Variants in KDM6A observed in about 807,000 individuals in gnomAD.
The protein encoded by KDM6A is lysine-specific demethylase 6A.
Under a neutral mutation model 117.6 loss-of-function variants are expected in KDM6A, and 11 were observed. The observed-to-expected ratio is 0.09, with a 90% CI of 0.06 to 0.15. The LOEUF (loss-of-function observed/expected upper bound fraction) is 0.15. Among genes scored for constraint, KDM6A ranks in the 10% least tolerant of loss-of-function variants. KDM6A has a pLI of 1.00. For synonymous variants in KDM6A, 384 were observed against 396.1 expected (o/e 0.97, Z 0.36); for missense variants, 799 against 1,077.3 (o/e 0.74, Z 3.62).
At chrX:44,986,992 G>T (rs1469140214) in intron 4 of KDM6A, among the ~76,000 whole-genome samples, 17 of 110,936 alleles carry the variant, frequency 1.5e-4, no homozygotes, top group South Asian at 3.8e-4. Flanking sequence ...TGTTGATCTG[G>T]CTAATATTGA....
chrX:45,025,815 G>T (rs1223307272), intron 6 of KDM6A, among the ~76,000 whole-genome samples: 2 of 112,199 alleles, frequency 1.8e-5, no homozygotes, highest in Non-Finnish European at 3.8e-5. Flanking sequence ...ACCAAAAAGG[G>T]TGCCTTTTTT....
At chrX:45,099,602 TTAAG>T (rs1397013764) in intron 27 of KDM6A, among the ~76,000 whole-genome samples, 4 of 112,036 alleles carry the variant, frequency 3.6e-5, no homozygotes, top group Non-Finnish European at 7.5e-5. Flanking sequence ...CCTGAGTAAA[TTAAG>T]TTTTACTTTA....
intron 2 of KDM6A, among the ~76,000 whole-genome samples, chrX:44,958,466 G>C (rs1158362301): frequency 9.1e-6 from 1 of 110,407 alleles, no homozygotes; most frequent in African/African-American, 3.3e-5. Context: ...ACAGGCATGA[G>C]CCACCACGCC....
At chrX:45,036,004 A>G (rs914574052) in intron 7 of KDM6A, among the ~76,000 whole-genome samples, 3 of 112,311 alleles carry the variant, frequency 2.7e-5, no homozygotes, top group African/African-American at 9.7e-5. Context: ...CGTCCGAAAA[A>G]TGAAATTTTT....
chrX:45,072,109 TGTTA>T (rs2044876734), intron 18 of KDM6A, among the ~76,000 whole-genome samples: 1 of 112,562 alleles, frequency 8.9e-6, no homozygotes, highest in Admixed American at 9.4e-5. Flanking sequence ...TTTCTATTTC[TGTTA>T]GTTTCTATTT....
intron 2 of KDM6A, among the ~76,000 whole-genome samples, chrX:44,918,903 C>T (rs371866463): frequency 2.7e-5 from 3 of 111,706 alleles, no homozygotes; most frequent in African/African-American, 9.8e-5. Context: ...TACAAGTTTA[C>T]AGTTTGCATG....
At chrX:45,022,883 A>G (rs1458814830) in intron 6 of KDM6A, among the ~76,000 whole-genome samples, 1 of 112,095 alleles carries the variant, frequency 8.9e-6, no homozygotes, top group Admixed American at 9.5e-5. Flanking sequence ...GGTTTCATCA[A>G]GGATTCATTT....
intron 27 of KDM6A, among the ~76,000 whole-genome samples, chrX:45,098,648 T>G (rs769131744): frequency 8.9e-6 from 1 of 112,576 alleles, no homozygotes; most frequent in Non-Finnish European, 1.9e-5. Flanking sequence ...ATGGTTCTAT[T>G]GCTTAGAAAA....
intron 27 of KDM6A, among the ~76,000 whole-genome samples, chrX:45,099,265 A>G (rs1020168804): frequency 9.3e-6 from 1 of 107,991 alleles, no homozygotes; most frequent in Non-Finnish European, 1.9e-5. Context: ...CACAGTCCAC[A>G]TTTAGATTTC....
intron 4 of KDM6A, among the ~76,000 whole-genome samples, chrX:45,002,286 C>T (rs1216736140): frequency 1.8e-5 from 2 of 110,045 alleles, no homozygotes; most frequent in Non-Finnish European, 3.8e-5. Context: ...CATATTTATC[C>T]AATTTTAATG....
intron 2 of KDM6A, among the ~76,000 whole-genome samples, chrX:44,907,986 T>C (rs1421803764): frequency 9.1e-6 from 1 of 110,034 alleles, no homozygotes; most frequent in Admixed American, 9.8e-5. Flanking sequence ...ACATCTCTGT[T>C]GAGTTAAATG....
intron 2 of KDM6A, among the ~76,000 whole-genome samples, chrX:44,910,291 A>G (rs992920260): frequency 5.4e-5 from 6 of 111,416 alleles, no homozygotes; most frequent in Admixed American, 2.8e-4. Flanking sequence ...GGTTCAAGCA[A>G]TTCTCCTGCC....
chrX:44,970,124 CCTT>C (rs780967157), intron 3 of KDM6A, among the ~76,000 whole-genome samples: 6 of 111,666 alleles, frequency 5.4e-5, no homozygotes, highest in Non-Finnish European at 1.1e-4. Flanking sequence ...ACGTTAAGAT[CCTT>C]CTTAAAATAA....
intron 28 of KDM6A, 43 bp from the exon 29 acceptor site, chrX:45,110,036 A>G (rs2148303860): frequency 1.8e-6 from 2 of 1,117,464 alleles, no homozygotes; most frequent in Non-Finnish European, 2.5e-6. Context: ...TACAGTAAAT[A>G]CCACTATCTC....
intron 7 of KDM6A, among the ~76,000 whole-genome samples, chrX:45,037,028 A>G (rs767205562): frequency 8.9e-6 from 1 of 112,641 alleles, no homozygotes; most frequent in South Asian, 3.6e-4. Flanking sequence ...AGGCTATTAC[A>G]GTTTAGTAGA....
At chrX:44,986,580 G>A (rs2040239121) in intron 4 of KDM6A, among the ~76,000 whole-genome samples, 1 of 111,392 alleles carries the variant, frequency 9.0e-6, no homozygotes, top group African/African-American at 3.3e-5. Context: ...ACACTGCTTT[G>A]AATGTGTCCC....
chrX:45,026,547 G>T (rs779055154), intron 6 of KDM6A, among the ~76,000 whole-genome samples: 32 of 110,382 alleles, frequency 2.9e-4, no homozygotes, highest in Middle Eastern at 4.7e-3. Context: ...AATATTGTGG[G>T]CCGGGCGCAG....
At chrX:45,020,469 A>G in intron 5 of KDM6A, 141 bp from the exon 6 acceptor site, 1 of 596,545 alleles carries the variant, frequency 1.7e-6, no homozygotes, top group Non-Finnish European at 2.6e-6. Context: ...TTACTTTTTT[A>G]GTATTTATTA....
rs185205864 is a variant in KDM6A, at chrX:44,968,670, G to T, written c.335-5996G>T. ...GAGAGTCACGGAGGTTAAATTAGTT[G>T]ATTAGAAAATCAGGTAGCAGCTGGG... On this transcript the variant is annotated intron_variant, in intron 3 of 29. Coordinates refer to ENST00000611820, the MANE Select transcript of KDM6A (RefSeq NM_001291415.2). Among the ~76,000 whole-genome samples the T allele has an allele frequency of 9.8e-4, 110 of 112,048 alleles. 1 individual carries two copies. The highest frequency in any genetic ancestry group is 1.3e-4 in the Non-Finnish European group (7 of 53,212).
Sources: allele counts gnomAD v4.1 joint callset (sites outside exome capture counted in the v4.1 genomes callset), GRCh38; gene constraint gnomAD v4.1.1; transcripts MANE v1.5; gene names NCBI Gene and HGNC (gene_info 2026-07-23, HGNC 2026-07-21).